Variants in ADD3 observed in about 807,000 individuals in gnomAD.
ADD3 encodes the protein adducin 3, also known as gamma-adducin.
ADD3 carries 25 observed loss-of-function variants against 80.2 expected under a neutral mutation model. That is an observed-to-expected ratio of 0.31 (90% confidence interval 0.23 to 0.44). ADD3 has a LOEUF of 0.44. Among genes scored for constraint, ADD3 ranks in the 20% least tolerant of loss-of-function variants. ADD3 has a pLI of 1.00. For synonymous variants in ADD3, 284 were observed against 289.6 expected (o/e 0.98, Z 0.20); for missense variants, 829 against 847.5 (o/e 0.98, Z 0.27).
At chr10:110,008,586 A>G (rs752622560) in intron 1 of ADD3, among the ~76,000 whole-genome samples, 8 of 152,048 alleles carry the variant, frequency 5.3e-5, no homozygotes, top group Non-Finnish European at 1.2e-4. Context: ...GGTGGGCCCG[A>G]CGCTTCGCGC....
chr10:110,036,328 A>G (rs1855639046), intron 1 of ADD3, among the ~76,000 whole-genome samples: 1 of 150,720 alleles, frequency 6.6e-6, no homozygotes, highest in Non-Finnish European at 1.5e-5. Flanking sequence ...ACCTTCTCCA[A>G]GTTATATTTC....
chr10:110,067,877 CTTTG>C (rs1007399713), intron 1 of ADD3, among the ~76,000 whole-genome samples: 2 of 151,976 alleles, frequency 1.3e-5, no homozygotes, highest in Non-Finnish European at 2.9e-5. Flanking sequence ...CTTTGATTTG[CTTTG>C]TTTTTTTCAT....
In ADD3 at chr10:110,124,182, A is replaced by G; in HGVS notation, c.1309A>G (p.Thr437Ala). The change falls in exon 10 of 15, where the codon ACA (threonine) becomes GCA (alanine). Residue 437 changes from threonine (T) to alanine (A), a missense_variant. By Grantham distance (58) the Thr-to-Ala change is moderately conservative. Transcript: ENST00000356080. ...YMAQRQQREK[T>A]RWLNSPNTYM... ...GGCACAGAGGCAACAGCGTGAAAAA[A>G]CAAGATGGCTGAACTCACCAAATAC... 1.9e-6 allele frequency: 3 copies of G among 1,614,202 alleles called. No homozygotes were observed. Among genetic ancestry groups the G allele is most frequent in the South Asian group, 1.1e-5 (1 of 91,088 alleles).
At chr10:110,053,483 C>T (rs925735551) in intron 1 of ADD3, among the ~76,000 whole-genome samples, 15 of 152,000 alleles carry the variant, frequency 9.9e-5, no homozygotes, top group Non-Finnish European at 4.4e-5. Flanking sequence ...GAAATTAGTA[C>T]ATATGCTGTA....
At chr10:110,019,586 C>A (rs925171445) in intron 1 of ADD3, among the ~76,000 whole-genome samples, 2 of 152,178 alleles carry the variant, frequency 1.3e-5, no homozygotes, top group African/African-American at 4.8e-5. Context: ...CATCTCCTGA[C>A]CTCATGATCC....
At chr10:110,097,292 C>G (rs1848279705) in intron 1 of ADD3, among the ~76,000 whole-genome samples, 1 of 152,010 alleles carries the variant, frequency 6.6e-6, no homozygotes, top group Non-Finnish European at 1.5e-5. Flanking sequence ...TACCTGTGAG[C>G]AAACTTTTAA....
At chr10:110,089,230 C>T (rs888880835) in intron 1 of ADD3, among the ~76,000 whole-genome samples, 3 of 151,910 alleles carry the variant, frequency 2.0e-5, no homozygotes, top group South Asian at 2.1e-4. Flanking sequence ...CAAAGACTTA[C>T]GGTATCTCCT....
chr10:110,122,407 G>A, intron 9 of ADD3, 115 bp downstream of exon 9: 2 of 889,142 alleles, frequency 2.2e-6, no homozygotes, highest in South Asian at 1.9e-5. Context: ...TTTGGCCCTA[G>A]GAAAGCATTT....
intron 1 of ADD3, among the ~76,000 whole-genome samples, chr10:110,064,861 C>T (rs1213023776): frequency 1.3e-5 from 2 of 152,046 alleles, no homozygotes; most frequent in African/African-American, 2.4e-5. Context: ...GCATGTTTCC[C>T]AGCCTGGGCA....
chr10:110,037,399 A>C (rs369350305), intron 1 of ADD3, among the ~76,000 whole-genome samples: 1 of 150,674 alleles, frequency 6.6e-6, no homozygotes, highest in East Asian at 2.0e-4. Context: ...GAGGTCAGGA[A>C]TTTGAGACCA....
chr10:110,120,160 G>C (rs1187227850), intron 8 of ADD3, among the ~76,000 whole-genome samples: 1 of 149,612 alleles, frequency 6.7e-6, no homozygotes, highest in Non-Finnish European at 1.5e-5. Flanking sequence ...TGCCATGCTG[G>C]TGCGCTGCAC....
At chr10:110,088,024 C>T (rs1205674977) in intron 1 of ADD3, among the ~76,000 whole-genome samples, 2 of 152,118 alleles carry the variant, frequency 1.3e-5, no homozygotes, top group Non-Finnish European at 2.9e-5. Context: ...AATCTCTGCC[C>T]TGTCATCATA....
chr10:110,059,001 T>C (rs1334282661), intron 1 of ADD3, among the ~76,000 whole-genome samples: 1 of 152,242 alleles, frequency 6.6e-6, no homozygotes, highest in Non-Finnish European at 1.5e-5. Flanking sequence ...ATAAATCACT[T>C]AAAAATTACA....
chr10:110,122,348 G>A, intron 9 of ADD3, 56 bp downstream of exon 9: 6 of 1,505,396 alleles, frequency 4.0e-6, no homozygotes, highest in African/African-American at 1.4e-5. Flanking sequence ...TTCAAGAGCA[G>A]ATGCTTCCAT....
intron 1 of ADD3, among the ~76,000 whole-genome samples, chr10:110,025,740 A>G (rs1174659860): frequency 6.6e-6 from 1 of 152,148 alleles, no homozygotes; most frequent in East Asian, 1.9e-4. Flanking sequence ...GCCTCTGTCC[A>G]GTGCTTTTTT....
intron 1 of ADD3, among the ~76,000 whole-genome samples, chr10:110,070,775 GTC>G (rs1844582116): frequency 6.6e-6 from 1 of 152,022 alleles, no homozygotes; most frequent in Non-Finnish European, 1.5e-5. Context: ...AACCAAACTT[GTC>G]TCTCGCCCTG....
At chr10:110,003,800 T>C (rs1322937390), upstream of ADD3, among the ~76,000 whole-genome samples, 3 of 152,190 alleles carry the variant, frequency 2.0e-5, no homozygotes, top group South Asian at 4.1e-4. Flanking sequence ...CAGGCACGTC[T>C]AAAGAGCTCT....
chr10:110,116,619 T>G (rs1850761867), intron 4 of ADD3, among the ~76,000 whole-genome samples: 1 of 152,302 alleles, frequency 6.6e-6, no homozygotes, highest in Non-Finnish European at 1.5e-5. Flanking sequence ...TCTATGTTGT[T>G]CCAAGTTCCT....
chr10:110,015,789 T>C (rs1852913399), intron 1 of ADD3, among the ~76,000 whole-genome samples: 1 of 152,204 alleles, frequency 6.6e-6, no homozygotes, highest in South Asian at 2.1e-4. Context: ...TAAAATCTTA[T>C]TTCTCTAAGC....
Sources: allele counts gnomAD v4.1 joint callset (sites outside exome capture counted in the v4.1 genomes callset), GRCh38; gene constraint gnomAD v4.1.1; transcripts MANE v1.5; gene names NCBI Gene and HGNC (gene_info 2026-07-23, HGNC 2026-07-21).